The following MED13L variants were observed in gnomAD, a reference collection of about 807,000 sequenced individuals.
MED13L encodes the protein mediator of RNA polymerase II transcription subunit 13-like.
Under a neutral mutation model 220.9 loss-of-function variants are expected in MED13L, and 7 were observed. The ratio of observed to expected loss-of-function variants is 0.03; its 90% confidence interval spans 0.02 to 0.06. MED13L has a LOEUF of 0.06. MED13L is among the 10% of genes least tolerant of loss of function. The pLI is 1.00. For missense variants in MED13L, 1,965 were observed against 2,760.5 expected (o/e 0.71, Z 6.46); for synonymous variants, 1,011 against 1,015.2 (o/e 1.00, Z 0.08).
At chr12:116,081,957 T>C (rs2551752) in intron 4 of MED13L, among the ~76,000 whole-genome samples, 143,671 of 152,300 alleles carry the variant, frequency 0.94, 67,829 homozygotes, top group African/African-American at 0.98. Context: ...TGAATACATT[T>C]TTTTTTTAAA....
chr12:116,019,712 A>AT, intron 6 of MED13L, 66 bp downstream of exon 6: 9 of 1,504,872 alleles, frequency 6.0e-6, no homozygotes, highest in Non-Finnish European at 8.3e-6. Flanking sequence ...AATCTAAATG[A>AT]TTATCTTTTT....
chr12:116,156,177 GGTTCAA>G (rs1381109455), intron 2 of MED13L, among the ~76,000 whole-genome samples: 5 of 151,672 alleles, frequency 3.3e-5, no homozygotes, highest in African/African-American at 1.2e-4. Context: ...AATATGTTAA[GGTTCAA>G]GTTCATCAGT....
chr12:116,196,760 T>G (rs1388620954), intron 2 of MED13L, among the ~76,000 whole-genome samples: 1 of 152,244 alleles, frequency 6.6e-6, no homozygotes, highest in Non-Finnish European at 1.5e-5. Context: ...GTGGTCCAGC[T>G]GTGTCTACAT....
Position 116,120,473 on chromosome 12 carries a change from T to TCA in MED13L, c.311-8962_311-8961insTG, listed in dbSNP as rs1411878434. On this transcript the variant is annotated intron_variant, in intron 2 of 30. Transcript: ENST00000281928. The stretch of plus-strand genomic sequence containing the variant: ...CTCTCTCTCTCTCTCTCTCTCTCTC[T>TCA]CTCTCACACACACACACACACACAC... Among the ~76,000 whole-genome samples the TCA allele has an allele frequency of 6.8e-3, 691 of 101,286 alleles. 2 individuals are homozygous for TCA. The highest frequency in any genetic ancestry group is 0.027 in the East Asian group (80 of 2,922). 66.4% of individuals were successfully genotyped at this position (101,286 alleles called of 152,430 possible).
At chr12:115,982,813 A>C (rs1349727737) in intron 21 of MED13L, among the ~76,000 whole-genome samples, 1 of 152,252 alleles carries the variant, frequency 6.6e-6, no homozygotes, top group Admixed American at 6.5e-5. Flanking sequence ...TACTCCTCTA[A>C]AATGGGAGGT....
At chr12:116,264,993 C>A (rs1002829147) in intron 1 of MED13L, among the ~76,000 whole-genome samples, 7 of 152,310 alleles carry the variant, frequency 4.6e-5, no homozygotes, top group African/African-American at 1.7e-4. Flanking sequence ...ATTGATTAGA[C>A]AGACAGACAG....
At chr12:116,104,481 T>A (rs765107979) in intron 3 of MED13L, among the ~76,000 whole-genome samples, 69 of 152,334 alleles carry the variant, frequency 4.5e-4, no homozygotes, top group Non-Finnish European at 7.6e-4. Flanking sequence ...CTCTAAACAC[T>A]GAATCTTGGC....
chr12:116,004,697 C>CT (rs1308283217), intron 13 of MED13L, among the ~76,000 whole-genome samples: 1 of 86,242 alleles, frequency 1.2e-5, no homozygotes, highest in Non-Finnish European at 2.5e-5. Context: ...TAATGTCCCT[C>CT]CCCCTTCCTC....
intron 1 of MED13L, among the ~76,000 whole-genome samples, chr12:116,248,472 T>C (rs948312587): frequency 1.3e-5 from 2 of 152,128 alleles, no homozygotes; most frequent in African/African-American, 2.4e-5. Context: ...AAAGGGCTAA[T>C]TGAACAATAT....
At chr12:116,149,410 A>G (rs1303450995) in intron 2 of MED13L, among the ~76,000 whole-genome samples, 2 of 152,210 alleles carry the variant, frequency 1.3e-5, no homozygotes, top group Non-Finnish European at 2.9e-5. Context: ...TGCATGGTTT[A>G]GATAATATGT....
At chr12:116,066,476 G>A (rs138834678) in intron 4 of MED13L, among the ~76,000 whole-genome samples, 37 of 152,122 alleles carry the variant, frequency 2.4e-4, no homozygotes, top group Non-Finnish European at 4.9e-4. Context: ...GTTAAATATC[G>A]TATGTTCTTC....
chr12:116,276,931 G>A (rs1261632203), intron 1 of MED13L, 129 bp downstream of exon 1: 3 of 1,091,908 alleles, frequency 2.7e-6, no homozygotes, highest in Admixed American at 2.0e-5. Context: ...TCGGCGAGAG[G>A]CGAACGGCGG....
At chr12:116,028,967 T>C (rs1480549866) in intron 4 of MED13L, among the ~76,000 whole-genome samples, 10 of 152,202 alleles carry the variant, frequency 6.6e-5, no homozygotes. Context: ...ATAATCTTTA[T>C]GTCTTCCTCA....
intron 2 of MED13L, among the ~76,000 whole-genome samples, chr12:116,135,340 A>C (rs181346123): frequency 1.3e-5 from 2 of 152,318 alleles, no homozygotes; most frequent in East Asian, 3.9e-4. Flanking sequence ...AGTTACATGG[A>C]AAGGCTACTT....
intron 1 of MED13L, among the ~76,000 whole-genome samples, chr12:116,267,738 G>T (rs960795343): frequency 6.6e-6 from 1 of 152,156 alleles, no homozygotes; most frequent in Non-Finnish European, 1.5e-5. Flanking sequence ...CTTAAAGAAT[G>T]AAAGTAAAGG....
At chr12:116,197,493 G>A (rs1175190396) in intron 2 of MED13L, among the ~76,000 whole-genome samples, 2 of 152,032 alleles carry the variant, frequency 1.3e-5, no homozygotes, top group East Asian at 3.9e-4. Flanking sequence ...TTGGCCAGGC[G>A]TGGTGGCTCA....
At chr12:116,152,124 C>T (rs1008403114) in intron 2 of MED13L, among the ~76,000 whole-genome samples, 5 of 152,114 alleles carry the variant, frequency 3.3e-5, no homozygotes, top group Admixed American at 3.3e-4. Context: ...GTTCTCTCTC[C>T]CCTGCTGGAT....
intron 2 of MED13L, among the ~76,000 whole-genome samples, chr12:116,233,255 T>C (rs1869752291): frequency 1.3e-5 from 2 of 152,276 alleles, no homozygotes; most frequent in East Asian, 1.9e-4. Context: ...ATATGAATTA[T>C]AGTATATAAT....
chr12:116,145,658 T>A (rs1877426867), intron 2 of MED13L, among the ~76,000 whole-genome samples: 1 of 141,478 alleles, frequency 7.1e-6, no homozygotes, highest in South Asian at 2.3e-4. Context: ...CACACTCAAC[T>A]CTATTTATTT....
Sources: gnomAD v4.1 joint callset for allele counts (sites outside exome capture counted in the v4.1 genomes callset) on GRCh38, gnomAD v4.1.1 for gene constraint, MANE v1.5 for transcripts, NCBI Gene and HGNC (gene_info 2026-07-23, HGNC 2026-07-21) for gene names.